The following PRSS50 variants were observed in gnomAD, a reference collection of about 807,000 sequenced individuals.
PRSS50 encodes the protein probable threonine protease PRSS50.
Under a neutral mutation model 34.2 loss-of-function variants are expected in PRSS50, and 23 were observed. The ratio of observed to expected loss-of-function variants is 0.67; its 90% CI spans 0.48 to 0.95. PRSS50 has a LOEUF of 0.95. PRSS50 is among the 40% of genes least tolerant of loss of function. The pLI is 0.00. For synonymous variants in PRSS50, 224 were observed against 211.2 expected (o/e 1.06, Z -0.53); for missense variants, 484 against 513.4 (o/e 0.94, Z 0.55).
chr3:46,717,771 G>T lies in PRSS50; in HGVS notation c.54C>A (p.Ala18=). ...VARGQRPRTS[A]PSRAGALLLL... is the part of the protein sequence containing the mutation. ...GCAGCAGGGCACCGGCGCGGGAGGG[G>T]GCAGACGTCCGGGGGCGCTGCCCGC... Residue 18 remains alanine (A), a synonymous_variant, in exon 1 of 6, where the codon GCC becomes GCA. Transcript: ENST00000315170. The surrounding 1 kb of genome is among the most constrained non-coding windows in gnomAD (Gnocchi z 4.5). 1 of 1,578,842 alleles carries T rather than the reference G, an allele frequency of 6.3e-7. No homozygotes were observed. Among genetic ancestry groups the T allele is most frequent in the Admixed American group, 1.8e-5 (1 of 55,296 alleles).
Position 46,717,770 on chromosome 3 carries a change from G to A in PRSS50, c.55C>T (p.Pro19Ser). Reference protein sequence around the residue: ...ARGQRPRTSAPSRAGALLLLL... With the variant: ...ARGQRPRTSASSRAGALLLLL... ...AGCAGCAGGGCACCGGCGCGGGAGG[G>A]GGCAGACGTCCGGGGGCGCTGCCCG... is the stretch of plus-strand genomic sequence containing the variant. The change falls in exon 1 of 6, where the codon CCC (proline) becomes TCC (serine). Residue 19 changes from proline (P) to serine (S), a missense_variant. Pro to Ser is a moderately conservative substitution (Grantham distance 74, BLOSUM62 -1). Transcript: ENST00000315170. This position sits in a 1 kb window ranked among gnomAD's most constrained non-coding sequence, Gnocchi z 4.5. 4 of 1,579,944 alleles carry A rather than the reference G, an allele frequency of 2.5e-6. No individual in the cohort carries two copies. The highest frequency in any genetic ancestry group is 3.4e-6 in the Non-Finnish European group (4 of 1,164,354).
chr3:46,717,774 A>G lies in PRSS50; in HGVS notation c.51T>C (p.Ser17=). The G allele has an allele frequency of 6.4e-7, 1 of 1,574,670 alleles. No homozygotes were observed. Among genetic ancestry groups the G allele is most frequent in the Non-Finnish European group, 8.6e-7 (1 of 1,161,588 alleles). Residue 17 remains serine (S), a synonymous_variant, in exon 1 of 6, where the codon TCT becomes TCC. Transcript: ENST00000315170. This position sits in a 1 kb window ranked among gnomAD's most constrained non-coding sequence, Gnocchi z 4.5. ...TVARGQRPRT[S]APSRAGALLL... is the part of the protein sequence containing the mutation. ...GCAGGGCACCGGCGCGGGAGGGGGC[A>G]GACGTCCGGGGGCGCTGCCCGCGCG...
intron 4 of PRSS50, 31 bp downstream of exon 4, chr3:46,714,187 C>A: frequency 6.2e-7 from 1 of 1,601,532 alleles, no homozygotes. Context: ...TCTCACAGCA[C>A]CCGCCCTGGT....
chr3:46,712,503 G>A (rs950773360), intron 5 of PRSS50, 21 bp from the exon 6 acceptor site: 3 of 1,611,784 alleles, frequency 1.9e-6, no homozygotes, highest in Non-Finnish European at 2.5e-6. Flanking sequence ...GGTTGGGGGA[G>A]TAAGGGTCAG....
chr3:46,714,416 C>G lies in PRSS50; in HGVS notation c.556G>C (p.Val186Leu). 4 of 1,612,876 alleles carry G rather than the reference C, an allele frequency of 2.5e-6. No individual in the cohort carries two copies. Among genetic ancestry groups the G allele is most frequent in the Non-Finnish European group, 3.4e-6 (4 of 1,179,540 alleles). Residue 186 changes from valine (V) to leucine (L), a missense_variant, in exon 4 of 6, where the codon GTC (valine) becomes CTC (leucine). Transcript: ENST00000315170. ...QTASDVPVLQ[V>L]IMHSRYRAQR... ...GCCCGGTACCTGCTATGCATGATGA[C>G]CTGGAGCACCGGGACATCGGAGGCG... is the stretch of plus-strand genomic sequence containing the variant.
chr3:46,712,425 A>G lies in PRSS50; in HGVS notation c.979T>C (p.Leu327=), dbSNP rs1011739717. The G allele has an allele frequency of 6.2e-7, 1 of 1,614,080 alleles. No homozygotes were observed. The highest frequency in any genetic ancestry group is 1.3e-5 in the African/African-American group (1 of 75,042). Residue 327 remains leucine (L), a synonymous_variant, in exon 6 of 6, where the codon TTG becomes CTG. Coordinates refer to ENST00000315170, the MANE Select transcript of PRSS50 (RefSeq NM_013270.5). ...TGGCAGCCTGCACCCCAGCTCACCA[A>G]TCCCACCAGGTACCACGTGCCCTCC... is the stretch of plus-strand genomic sequence containing the variant. ...SMEGTWYLVG[L]VSWGAGCQKS...
At chr3:46,712,776 A>G in intron 5 of PRSS50, 125 bp downstream of exon 5, 1 of 735,288 alleles carries the variant, frequency 1.4e-6, no homozygotes, top group Middle Eastern at 5.1e-4. Context: ...CTCCATCCCC[A>G]TATCCCAGAG....
rs73833603 is a variant in PRSS50 at position 46,715,960 on chromosome 3, A to C, written c.308-263T>G. ...CCCCAGCCGACCAGCCCAGTGTACCACTGGCCCCTCTGCCGTCACCAACAC... is the reference window on the plus strand; with the variant it reads ...CCCCAGCCGACCAGCCCAGTGTACCCCTGGCCCCTCTGCCGTCACCAACAC... On this transcript the variant is annotated intron_variant, in intron 2 of 5. Transcript: ENST00000315170. The surrounding 1 kb of genome is among the most constrained non-coding windows in gnomAD (Gnocchi z 5.2). 0.024 allele frequency among the ~76,000 whole-genome samples: 3,641 copies of C among 152,134 alleles called. 146 individuals carry two copies. Among genetic ancestry groups the C allele is most frequent in the African/African-American group, 0.084 (3,497 of 41,474 alleles).
rs1700653304 is a variant in PRSS50 at position 46,714,324 on chromosome 3, G to C, written c.648C>G (p.Leu216=). Residue 216 remains leucine (L), a synonymous_variant, in exon 4 of 6, where the codon CTC becomes CTG. Coordinates refer to ENST00000315170, the MANE Select transcript of PRSS50 (RefSeq NM_013270.5). ...DIGLLKLKQE[L]KYSNYVRPIC... ...TGGGCCGCACGTAATTGCTGTACTTGAGTTCCTGCTTGAGCTTGAGGAGGC... is the reference window on the plus strand; with the variant it reads ...TGGGCCGCACGTAATTGCTGTACTTCAGTTCCTGCTTGAGCTTGAGGAGGC... 6.2e-7 allele frequency: 1 copy of C among 1,614,020 alleles called. No individual in the cohort carries two copies. Among genetic ancestry groups the C allele is most frequent in the Admixed American group, 1.7e-5 (1 of 60,006 alleles).
chr3:46,713,248 C>T (rs1163337896), intron 4 of PRSS50, among the ~76,000 whole-genome samples, 181 bp from the exon 5 acceptor site: 2 of 152,214 alleles, frequency 1.3e-5, no homozygotes, highest in African/African-American at 2.4e-5. Flanking sequence ...GAGCAGAGTA[C>T]CCCCAACCCA....
At position 46,715,497 on chromosome 3, in the gene PRSS50, A is replaced by T; in HGVS notation, c.470+38T>A. ...GATGACTGGGCCCACAGCAGCTCCA[A>T]ATACCTCTCCACCCACCCCACCTCA... On this transcript the variant is annotated intron_variant, in intron 3 of 5. Transcript: ENST00000315170. This position sits in a 1 kb window ranked among gnomAD's most constrained non-coding sequence, Gnocchi z 5.2. 11 of 1,590,836 alleles carry T rather than the reference A, an allele frequency of 6.9e-6. No homozygotes were observed. The highest frequency in any genetic ancestry group is 8.6e-6 in the Non-Finnish European group (10 of 1,162,034).
chr3:46,714,158 G>C, intron 4 of PRSS50, 60 bp downstream of exon 4: 1 of 1,570,718 alleles, frequency 6.4e-7, no homozygotes, highest in South Asian at 1.2e-5. Flanking sequence ...GTGGCACCCT[G>C]GCCTGCACCC....
chr3:46,714,553 G>C (rs1443625834), intron 3 of PRSS50, 52 bp from the exon 4 acceptor site: 1 of 1,487,584 alleles, frequency 6.7e-7, no homozygotes, highest in Non-Finnish European at 8.9e-7. Context: ...CCCTGCCCCA[G>C]CCTCCAGCCT....
Position 46,715,491 on chromosome 3 carries a change from G to GCTCCAAATA in PRSS50, c.470+35_470+43dup. 1 of 1,583,796 alleles carries GCTCCAAATA rather than the reference G, an allele frequency of 6.3e-7. No homozygotes were observed. Among genetic ancestry groups the GCTCCAAATA allele is most frequent in the Non-Finnish European group, 8.6e-7 (1 of 1,157,194 alleles). On this transcript the variant is annotated intron_variant, in intron 3 of 5. Coordinates refer to ENST00000315170, the MANE Select transcript of PRSS50 (RefSeq NM_013270.5). The surrounding 1 kb of genome is among the most constrained non-coding windows in gnomAD (Gnocchi z 5.2). ...GGAGGGGATGACTGGGCCCACAGCA[G>GCTCCAAATA]CTCCAAATACCTCTCCACCCACCCC...
At position 46,715,701 on chromosome 3, in the gene PRSS50, A is replaced by C; in HGVS notation, c.308-4T>G. The stretch of plus-strand genomic sequence containing the variant: ...TGCTCGTAGGAAAAGCCACAGGCTG[A>C]GGAGGAAGGTGAGAGCTTGATGAGG... On this transcript the variant is annotated splice_polypyrimidine_tract_variant and splice_region_variant and intron_variant, in intron 2 of 5. Transcript: ENST00000315170. This position sits in a 1 kb window ranked among gnomAD's most constrained non-coding sequence, Gnocchi z 5.2. 1.3e-6 allele frequency: 2 copies of C among 1,589,050 alleles called. No individual in the cohort carries two copies. Among genetic ancestry groups the C allele is most frequent in the Non-Finnish European group, 1.7e-6 (2 of 1,166,050 alleles).
intron 5 of PRSS50, 104 bp downstream of exon 5, chr3:46,712,797 C>CCCCTT (rs1700636589): frequency 1.5e-6 from 2 of 1,307,334 alleles, no homozygotes. Flanking sequence ...TCCTGCCCAC[C>CCCCTT]CCCTTCCCTT....
At position 46,712,249 on chromosome 3, in the gene PRSS50, G is replaced by C; in HGVS notation, c.1155C>G (p.Leu385=). 6.2e-7 allele frequency: 1 copy of C among 1,606,306 alleles called. No individual in the cohort carries two copies. Among genetic ancestry groups the C allele is most frequent in the Non-Finnish European group, 8.5e-7 (1 of 1,176,484 alleles). The change falls in exon 6 of 6, where the codon CTC becomes CTG. Residue 385 remains leucine (L), a synonymous_variant. Transcript: ENST00000315170. ...AAGTGAGGGAGGGCACACAGAGTCA[G>C]AGGGCAGCAAGGAGGCTGAGGGGCA... ...LPLPLSLLAA[L]
rs146422852 is a variant in PRSS50, at chr3:46,717,637, C to T, written c.107G>A (p.Gly36Asp). ...LLLLLLLRSA[G>D]CWGAGEAPGA... ...CGGGGCTTCCCCTGCGCCCCAGCAA[C>T]CTGCGGAGGACGTCGAGCGGATTAG... The change falls in exon 2 of 6, where the codon GGT becomes GAT. Residue 36 changes from glycine to aspartate, a missense_variant and splice_region_variant. Transcript: ENST00000315170. This position sits in a 1 kb window ranked among gnomAD's most constrained non-coding sequence, Gnocchi z 4.5. 19 of 1,612,468 alleles carry T rather than the reference C, an allele frequency of 1.2e-5. No homozygotes were observed. The highest frequency in any genetic ancestry group is 1.5e-5 in the Non-Finnish European group (18 of 1,179,432).
chr3:46,716,511 G>T lies in PRSS50; in HGVS notation c.308-814C>A, dbSNP rs1700685818. Among the ~76,000 whole-genome samples the T allele has an allele frequency of 6.6e-6, 1 of 152,118 alleles. No individual in the cohort carries two copies. Among genetic ancestry groups the T allele is most frequent in the South Asian group, 2.1e-4 (1 of 4,822 alleles). ...ACTCCTGACCTCAAGTGATCTTACT[G>T]CCTCAGCCTCCAAAAGCGCTGGGAT... On this transcript the variant is annotated intron_variant, in intron 2 of 5. Transcript: ENST00000315170. The surrounding 1 kb of genome is among the most constrained non-coding windows in gnomAD (Gnocchi z 4.4).
Sources: gnomAD v4.1 joint callset for allele counts (sites outside exome capture counted in the v4.1 genomes callset) on GRCh38, gnomAD v4.1.1 for gene constraint, Gnocchi (gnomAD v3.1) non-coding constraint, MANE v1.5 for transcripts, NCBI Gene and HGNC (gene_info 2026-07-23, HGNC 2026-07-21) for gene names.